Variants in APBB2 observed in about 807,000 individuals in gnomAD.
APBB2 encodes the protein amyloid beta precursor protein binding family B member 2.
Under a neutral mutation model 82.5 loss-of-function variants are expected in APBB2, and 38 were observed. The observed-to-expected ratio is 0.46, with a 90% CI of 0.36 to 0.60. The LOEUF (loss-of-function observed/expected upper bound fraction) is 0.60, where lower values mean the gene tolerates loss of function less well. APBB2 is among the 20% of genes least tolerant of loss of function. The pLI is 0.00. For synonymous variants in APBB2, 341 were observed against 368.2 expected, an observed-to-expected ratio of 0.93 and a Z score of 0.85; for missense variants, 772 against 972.3, an observed-to-expected ratio of 0.79 and a Z score of 2.74.
At chr4:41,181,379 A>G (rs766701518) in intron 1 of APBB2, among the ~76,000 whole-genome samples, 2 of 152,246 alleles carry the variant, frequency 1.3e-5, no homozygotes, top group African/African-American at 2.4e-5. Flanking sequence ...TACTTTGCTT[A>G]TAACTCTTGA....
chr4:41,135,331 G>T (rs766753369), intron 2 of APBB2, among the ~76,000 whole-genome samples: 5 of 152,116 alleles, frequency 3.3e-5, no homozygotes, highest in Non-Finnish European at 7.4e-5. Context: ...TGCACCGAAA[G>T]ATTTTTTAAT....
chr4:40,926,411 C>T (rs892977905), intron 10 of APBB2, among the ~76,000 whole-genome samples: 2 of 152,182 alleles, frequency 1.3e-5, no homozygotes, highest in Admixed American at 6.5e-5. Context: ...ATTCCCACCT[C>T]CAACAACTCT....
rs115366707 is a variant in APBB2 at position 41,140,061 on chromosome 4, A to G, written c.-261+2926T>C. Among the ~76,000 whole-genome samples, 978 of 152,344 alleles carry G rather than the reference A, an allele frequency of 6.4e-3. 6 individuals carry two copies. Among genetic ancestry groups the G allele is most frequent in the Non-Finnish European group, 0.01 (706 of 68,032 alleles). ...CCAAAAAACAGTGTAATTACAAAAT[A>G]TAATATTAATGAAAACTCTATCATT... On this transcript the variant is annotated intron_variant, in intron 2 of 17. Coordinates refer to ENST00000508593, the MANE Select transcript of APBB2 (RefSeq NM_004307.2).
At chr4:41,056,365 A>G (rs1213038823) in intron 4 of APBB2, among the ~76,000 whole-genome samples, 1 of 152,120 alleles carries the variant, frequency 6.6e-6, no homozygotes, top group Non-Finnish European at 1.5e-5. Flanking sequence ...CCCACCCAGG[A>G]GACCTGCATT....
intron 12 of APBB2, among the ~76,000 whole-genome samples, chr4:40,862,197 T>G (rs1477545395): frequency 6.6e-6 from 1 of 152,224 alleles, no homozygotes; most frequent in Non-Finnish European, 1.5e-5. Flanking sequence ...GTATAAACAT[T>G]AAACAAGAAA....
intron 12 of APBB2, among the ~76,000 whole-genome samples, chr4:40,854,112 C>T (rs1027373249): frequency 6.6e-6 from 1 of 152,046 alleles, no homozygotes; most frequent in African/African-American, 2.4e-5. Context: ...AAAATTAAAC[C>T]CTAAAAGTAG....
At chr4:40,932,716 C>G (rs1364725601) in intron 10 of APBB2, among the ~76,000 whole-genome samples, 1 of 152,136 alleles carries the variant, frequency 6.6e-6, no homozygotes, top group Non-Finnish European at 1.5e-5. Flanking sequence ...CACCGAAGAT[C>G]AGATGCATAA....
chr4:41,160,038 A>AAGAAGAAGAAGAAGAAG (rs1247891414), intron 1 of APBB2, among the ~76,000 whole-genome samples: 4 of 123,132 alleles, frequency 3.2e-5, no homozygotes, highest in African/African-American at 6.9e-5. Flanking sequence ...AGAAGAAGAA[A>AAGAAGAAGAAGAAGAAG]ACATCACAGG....
chr4:40,867,343 C>A (rs1291748784), intron 12 of APBB2, among the ~76,000 whole-genome samples: 2 of 152,194 alleles, frequency 1.3e-5, no homozygotes, highest in Non-Finnish European at 2.9e-5. Context: ...AACATCTGTG[C>A]AGCATTTTCT....
intron 2 of APBB2, among the ~76,000 whole-genome samples, chr4:41,125,005 T>C (rs749034868): frequency 5.3e-5 from 8 of 152,232 alleles, no homozygotes; most frequent in Non-Finnish European, 1.0e-4. Context: ...TAATGTTTTA[T>C]GACTAAGGGT....
chr4:41,102,669 G>A (rs1745892527), intron 2 of APBB2, among the ~76,000 whole-genome samples: 1 of 152,142 alleles, frequency 6.6e-6, no homozygotes, highest in Non-Finnish European at 1.5e-5. Context: ...GCCACACCAA[G>A]CCATATCTGG....
At chr4:41,208,392 G>C (rs1778488520) in intron 1 of APBB2, among the ~76,000 whole-genome samples, 1 of 152,142 alleles carries the variant, frequency 6.6e-6, no homozygotes, top group South Asian at 2.1e-4. Flanking sequence ...CTCCTGAGTA[G>C]CTGAAATTAC....
chr4:40,841,154 G>C (rs539187874), intron 12 of APBB2, among the ~76,000 whole-genome samples: 1 of 152,288 alleles, frequency 6.6e-6, no homozygotes, highest in Non-Finnish European at 1.5e-5. Context: ...GCACATCACA[G>C]GGGAAAACAG....
At chr4:40,896,299 A>G (rs1773646156) in intron 10 of APBB2, among the ~76,000 whole-genome samples, 1 of 152,128 alleles carries the variant, frequency 6.6e-6, no homozygotes, top group South Asian at 2.1e-4. Flanking sequence ...GCTGACCTCA[A>G]GTGATTGGCC....
At chr4:40,839,912 A>C (rs1314802471) in intron 12 of APBB2, among the ~76,000 whole-genome samples, 1 of 152,060 alleles carries the variant, frequency 6.6e-6, no homozygotes, top group East Asian at 1.9e-4. Context: ...TGATCCGCCC[A>C]CCTCGGACTC....
chr4:40,891,941 G>A (rs1244496958), intron 11 of APBB2, among the ~76,000 whole-genome samples: 3 of 151,448 alleles, frequency 2.0e-5, no homozygotes, highest in African/African-American at 7.3e-5. Context: ...ACATAGGCCT[G>A]GGTTTTGTTC....
At chr4:41,166,685 C>T (rs1252050050) in intron 1 of APBB2, among the ~76,000 whole-genome samples, 1 of 152,024 alleles carries the variant, frequency 6.6e-6, no homozygotes, top group Non-Finnish European at 1.5e-5. Flanking sequence ...CATTTAAGGT[C>T]AAGAGTTTGA....
At chr4:40,971,819 T>C (rs1795991339) in intron 6 of APBB2, among the ~76,000 whole-genome samples, 1 of 152,198 alleles carries the variant, frequency 6.6e-6, no homozygotes, top group African/African-American at 2.4e-5. Flanking sequence ...TTAGTGAAAG[T>C]AATCCCTTAA....
chr4:41,057,014 G>C (rs1316258575), intron 4 of APBB2, among the ~76,000 whole-genome samples: 1 of 152,134 alleles, frequency 6.6e-6, no homozygotes, highest in African/African-American at 2.4e-5. Context: ...GGGAGAGGGG[G>C]ATCAACTTTC....
Sources: gnomAD v4.1 joint callset for allele counts (sites outside exome capture counted in the v4.1 genomes callset) on GRCh38, gnomAD v4.1.1 for gene constraint, MANE v1.5 for transcripts, NCBI Gene and HGNC (gene_info 2026-07-23, HGNC 2026-07-21) for gene names.